Variants in GRM8 observed in about 807,000 individuals in gnomAD.
GRM8 encodes glutamate metabotropic receptor 8, also known as metabotropic glutamate receptor 8.
GRM8 carries 47 observed loss-of-function variants against 87.2 expected under a neutral mutation model. That is an observed-to-expected ratio of 0.54 (90% CI 0.43 to 0.69). The LOEUF (loss-of-function observed/expected upper bound fraction) is 0.69, where lower values mean the gene tolerates loss of function less well. Among genes scored for constraint, GRM8 ranks in the 30% least tolerant of loss-of-function variants. GRM8 has a pLI of 0.00. For missense variants in GRM8, 1,019 were observed against 1,139.2 expected, an observed-to-expected ratio of 0.89 and a Z score of 1.52; for synonymous variants, 396 against 404.5, an observed-to-expected ratio of 0.98 and a Z score of 0.25.
intron 9 of GRM8, among the ~76,000 whole-genome samples, chr7:126,486,773 C>T (rs1255830175): frequency 6.6e-6 from 1 of 151,972 alleles, no homozygotes; most frequent in African/African-American, 2.4e-5. Flanking sequence ...ACAAGGAATA[C>T]ATTTTATGAA....
chr7:126,464,034 C>T (rs1273817509), intron 9 of GRM8, among the ~76,000 whole-genome samples: 4 of 151,694 alleles, frequency 2.6e-5, no homozygotes, highest in Non-Finnish European at 5.9e-5. Context: ...AATTGCTTTT[C>T]CTATAATTAT....
chr7:127,087,879 G>A (rs572252387), intron 3 of GRM8, among the ~76,000 whole-genome samples: 1 of 152,302 alleles, frequency 6.6e-6, no homozygotes, highest in Non-Finnish European at 1.5e-5. Context: ...CATTTTAAAA[G>A]TCAGTGCTCA....
intron 3 of GRM8, among the ~76,000 whole-genome samples, chr7:126,928,950 A>G (rs1040596176): frequency 6.6e-6 from 1 of 152,220 alleles, no homozygotes; most frequent in African/African-American, 2.4e-5. Flanking sequence ...CTTGCAGGTC[A>G]GAAAAGGTTG....
At chr7:126,658,997 G>T (rs931097091) in intron 7 of GRM8, among the ~76,000 whole-genome samples, 2 of 151,904 alleles carry the variant, frequency 1.3e-5, no homozygotes, top group African/African-American at 4.8e-5. Flanking sequence ...AGGCCTTGAG[G>T]CAACACACTT....
Position 126,763,470 on chromosome 7 carries a change from TATACAC to T in GRM8, c.1357+6389_1357+6394del, listed in dbSNP as rs1474776218. ...ATATATATATATATATATATATATA[TATACAC>T]ACACACACACACACACACACAATTG... is the stretch of plus-strand genomic sequence containing the variant. On this transcript the variant is annotated intron_variant, in intron 7 of 10. Coordinates refer to ENST00000339582, the MANE Select transcript of GRM8 (RefSeq NM_000845.3). Among the ~76,000 whole-genome samples, 229 of 45,824 alleles carry T rather than the reference TATACAC, an allele frequency of 5.0e-3. 2 individuals are homozygous for T. Among genetic ancestry groups the T allele is most frequent in the Middle Eastern group, 0.016 (1 of 64 alleles). 30.1% of individuals were successfully genotyped at this position (45,824 alleles called of 152,430 possible).
intron 3 of GRM8, among the ~76,000 whole-genome samples, chr7:127,014,645 T>C (rs1283016413): frequency 2.0e-5 from 3 of 152,148 alleles, no homozygotes; most frequent in Non-Finnish European, 4.4e-5. Context: ...AAGAACTCTA[T>C]AGCTGATAGA....
At chr7:126,462,235 C>A (rs189537787) in intron 9 of GRM8, among the ~76,000 whole-genome samples, 4 of 149,542 alleles carry the variant, frequency 2.7e-5, no homozygotes, top group African/African-American at 1.0e-4. Flanking sequence ...CTTGTATTTT[C>A]CTCAGTAATA....
chr7:126,479,518 T>C (rs1020553613), intron 9 of GRM8, among the ~76,000 whole-genome samples: 1 of 152,076 alleles, frequency 6.6e-6, no homozygotes, highest in African/African-American at 2.4e-5. Flanking sequence ...CATAATGTTT[T>C]CAAGGTTTAT....
At chr7:127,003,788 C>T (rs1339260613) in intron 3 of GRM8, among the ~76,000 whole-genome samples, 1 of 151,668 alleles carries the variant, frequency 6.6e-6, no homozygotes, top group Non-Finnish European at 1.5e-5. Flanking sequence ...CAGAAGATTA[C>T]TAAATAGATG....
chr7:126,953,580 A>G (rs947654350), intron 3 of GRM8, among the ~76,000 whole-genome samples: 14 of 152,094 alleles, frequency 9.2e-5, no homozygotes, highest in Non-Finnish European at 1.6e-4. Context: ...TCAAGAAAAG[A>G]GCCAAGTTTT....
Position 126,698,809 on chromosome 7 carries a change from C to CA in GRM8, c.1357+71055dup, listed in dbSNP as rs368909700. 8.3e-3 allele frequency among the ~76,000 whole-genome samples: 1,255 copies of CA among 151,800 alleles called. 20 individuals carry two copies. The highest frequency in any genetic ancestry group is 0.028 in the African/African-American group (1,171 of 41,430). ...TGGGGTGCCTGGAATATTAACAAGC[C>CA]AAAAAAATACTTACTTTATTATTAA... On this transcript the variant is annotated intron_variant, in intron 7 of 10. Transcript: ENST00000339582.
intron 2 of GRM8, among the ~76,000 whole-genome samples, chr7:127,118,712 G>C (rs1826849845): frequency 6.6e-6 from 1 of 152,174 alleles, no homozygotes. Context: ...CAGGTAGTCT[G>C]ACCCCGGATT....
chr7:126,768,938 A>AACAAAAAAAATAT (rs371172804), intron 7 of GRM8, among the ~76,000 whole-genome samples: 2 of 148,064 alleles, frequency 1.4e-5, no homozygotes, highest in Non-Finnish European at 3.0e-5. Flanking sequence ...AAAAAAAAAA[A>AACAAAAAAAATAT]AAATAAAGAA....
intron 3 of GRM8, chr7:127,084,535 G>A (rs1823255074): frequency 1.3e-5 from 2 of 152,076 alleles, no homozygotes. Context: ...GTTCTCTGTG[G>A]ACACAAGACC....
chr7:126,907,922 T>C (rs1802880646), intron 3 of GRM8, among the ~76,000 whole-genome samples: 1 of 152,174 alleles, frequency 6.6e-6, no homozygotes, highest in African/African-American at 2.4e-5. Flanking sequence ...TGGGGCTTTG[T>C]ATTGATTTGA....
chr7:126,654,251 G>A (rs1005549613), intron 7 of GRM8, among the ~76,000 whole-genome samples: 1 of 152,334 alleles, frequency 6.6e-6, no homozygotes, highest in East Asian at 1.9e-4. Flanking sequence ...GGTGACTTGT[G>A]TGTGAACAAA....
intron 3 of GRM8, among the ~76,000 whole-genome samples, chr7:127,008,788 T>C (rs1814582452): frequency 6.6e-6 from 1 of 152,122 alleles, no homozygotes. Flanking sequence ...ATATTCTATA[T>C]AGTTGAAGGC....
chr7:126,942,416 T>A (rs1250847523), intron 3 of GRM8, among the ~76,000 whole-genome samples: 2 of 152,184 alleles, frequency 1.3e-5, no homozygotes, highest in African/African-American at 2.4e-5. Context: ...TAATTCATTA[T>A]AATTGGAAGC....
chr7:127,103,203 G>T (rs188516685), intron 3 of GRM8, among the ~76,000 whole-genome samples: 1 of 152,274 alleles, frequency 6.6e-6, no homozygotes, highest in Non-Finnish European at 1.5e-5. Context: ...CAATGGAAAA[G>T]GACATGAGAT....
Sources: allele counts gnomAD v4.1 joint callset (sites outside exome capture counted in the v4.1 genomes callset), GRCh38; gene constraint gnomAD v4.1.1; transcripts MANE v1.5; gene names NCBI Gene and HGNC (gene_info 2026-07-23, HGNC 2026-07-21).